The following TET1 variants were observed in gnomAD, a reference collection of about 807,000 sequenced individuals.
TET1 encodes the protein methylcytosine dioxygenase TET1.
A neutral mutation model predicts 148.7 loss-of-function variants in TET1; 13 were observed. The observed-to-expected ratio is 0.09, with a 90% CI of 0.06 to 0.14. The LOEUF (loss-of-function observed/expected upper bound fraction) is 0.14. Ranked by LOEUF, TET1 falls within the 10% of genes least tolerant of loss-of-function variation. The pLI is 1.00. For missense variants in TET1, 2,182 were observed against 2,553.8 expected (o/e 0.85, Z 3.14); for synonymous variants, 907 against 937.2 (o/e 0.97, Z 0.59).
At chr10:68,627,248 T>C (rs537079758) in intron 3 of TET1, among the ~76,000 whole-genome samples, 97 of 150,778 alleles carry the variant, frequency 6.4e-4, no homozygotes, top group African/African-American at 2.2e-3. Context: ...TCTCTACTAA[T>C]AAAATACAAA....
At chr10:68,679,341 C>G (rs2055405823) in intron 8 of TET1, among the ~76,000 whole-genome samples, 1 of 152,038 alleles carries the variant, frequency 6.6e-6, no homozygotes, top group African/African-American at 2.4e-5. Flanking sequence ...TCTGTGTGGT[C>G]CACAACAGAA....
chr10:68,684,392 G>C (rs373661308), intron 10 of TET1, among the ~76,000 whole-genome samples: 1 of 38,300 alleles, frequency 2.6e-5, no homozygotes, highest in Non-Finnish European at 6.6e-5. Context: ...TTTTTTTTTT[G>C]CGTATCATTC....
intron 3 of TET1, among the ~76,000 whole-genome samples, chr10:68,607,126 C>A (rs1419681552): frequency 6.6e-6 from 1 of 151,208 alleles, no homozygotes; most frequent in Non-Finnish European, 1.5e-5. Flanking sequence ...TGAATAAAAG[C>A]CAAATGGAGT....
chr10:68,611,219 A>C (rs2054204501), intron 3 of TET1, among the ~76,000 whole-genome samples: 1 of 151,890 alleles, frequency 6.6e-6, no homozygotes, highest in Admixed American at 6.6e-5. Context: ...TGACCTCAGG[A>C]GGCGGAGGTT....
chr10:68,632,348 G>A, intron 3 of TET1: 1 of 1,573,488 alleles, frequency 6.4e-7, no homozygotes, highest in Non-Finnish European at 8.7e-7. Flanking sequence ...GTGCAGGGCG[G>A]GTGGAGTCGC....
At chr10:68,614,563 G>A (rs2054261787) in intron 3 of TET1, among the ~76,000 whole-genome samples, 1 of 152,134 alleles carries the variant, frequency 6.6e-6, no homozygotes, top group Admixed American at 6.6e-5. Context: ...CCAGGGTGGA[G>A]TGTGGTGGCA....
At chr10:68,582,552 CGACT>C (rs2053810025) in intron 2 of TET1, among the ~76,000 whole-genome samples, 2 of 152,130 alleles carry the variant, frequency 1.3e-5, no homozygotes, top group Admixed American at 6.6e-5. Context: ...ACAAATTGAA[CGACT>C]GACTGTCCAC....
At chr10:68,649,906 A>G (rs7084999) in intron 4 of TET1, among the ~76,000 whole-genome samples, 29,601 of 152,062 alleles carry the variant, frequency 0.19, 3,657 homozygotes, top group African/African-American at 0.35. Context: ...CATTACATGT[A>G]AGTTTATTGT....
chr10:68,622,570 A>T (rs2054393213), intron 3 of TET1, among the ~76,000 whole-genome samples: 1 of 151,636 alleles, frequency 6.6e-6, no homozygotes, highest in Non-Finnish European at 1.5e-5. Context: ...CCGGCCCCTC[A>T]TTGCATTTAG....
chr10:68,613,796 G>C (rs2054250388), intron 3 of TET1, among the ~76,000 whole-genome samples: 1 of 152,032 alleles, frequency 6.6e-6, no homozygotes, highest in South Asian at 2.1e-4. Flanking sequence ...AAATTAGCTG[G>C]GCATGGTGGT....
chr10:68,624,277 G>T (rs1016455917), intron 3 of TET1, among the ~76,000 whole-genome samples: 5 of 148,184 alleles, frequency 3.4e-5, no homozygotes, highest in East Asian at 2.0e-4. Flanking sequence ...TTGTGTGTGT[G>T]TTTTTTGTTT....
chr10:68,672,510 A>ACAC (rs147297986), intron 7 of TET1, among the ~76,000 whole-genome samples: 1 of 144,488 alleles, frequency 6.9e-6, no homozygotes, highest in African/African-American at 2.6e-5. Flanking sequence ...AAAAAAAAAA[A>ACAC]ACACCAAAAA....
intron 3 of TET1, among the ~76,000 whole-genome samples, chr10:68,635,880 T>C (rs886543446): frequency 6.6e-6 from 1 of 152,032 alleles, no homozygotes; most frequent in African/African-American, 2.4e-5. Flanking sequence ...AGGAGTAGGC[T>C]CATCAAGGGG....
chr10:68,591,242 T>C (rs889149889), intron 2 of TET1, among the ~76,000 whole-genome samples: 3 of 152,262 alleles, frequency 2.0e-5, no homozygotes, highest in Non-Finnish European at 2.9e-5. Context: ...AAGTTAATTG[T>C]AGAAATTCTG....
At chr10:68,661,832 C>CA (rs71299296) in intron 6 of TET1, among the ~76,000 whole-genome samples, 6 of 150,846 alleles carry the variant, frequency 4.0e-5, no homozygotes, top group Admixed American at 1.3e-4. Context: ...CACACACACA[C>CA]AAAAAACCAA....
chr10:68,586,549 G>T (rs1296038060), intron 2 of TET1, among the ~76,000 whole-genome samples: 1 of 147,668 alleles, frequency 6.8e-6, no homozygotes, highest in Admixed American at 6.9e-5. Context: ...TGCCCAGGCT[G>T]GTCTTGAACT....
At chr10:68,574,633 A>G (rs2053707845) in intron 2 of TET1, among the ~76,000 whole-genome samples, 1 of 152,238 alleles carries the variant, frequency 6.6e-6, no homozygotes, top group African/African-American at 2.4e-5. Flanking sequence ...TTTAAAAATT[A>G]AGAGTGGAAC....
chr10:68,586,373 T>A (rs576273020), intron 2 of TET1, among the ~76,000 whole-genome samples: 1 of 152,296 alleles, frequency 6.6e-6, no homozygotes, highest in African/African-American at 2.4e-5. Context: ...AGACAGGGTT[T>A]CACCATGTTG....
At position 68,573,410 on chromosome 10, in the gene TET1, G is replaced by A; in HGVS notation, c.1072G>A (p.Val358Ile). Residue 358 changes from valine (V) to isoleucine (I), a missense_variant, in exon 2 of 12, where the codon GTT (valine) becomes ATT (isoleucine). This residue lies in a region of TET1 where 665 missense variants were observed against 672.4 expected (regional missense o/e 0.99). Coordinates refer to ENST00000373644, the MANE Select transcript of TET1 (RefSeq NM_030625.3). ...CGAAGCTACTGCAAATCAACAGGAA[G>A]TTTCTGATACCACCTCTTTCCTAGG... Reference protein sequence around the residue: ...AFEATANQQEVSDTTSFLGQA... With the variant: ...AFEATANQQEISDTTSFLGQA... 1 of 1,614,146 alleles carries A rather than the reference G, an allele frequency of 6.2e-7. No individual in the cohort carries two copies. Among genetic ancestry groups the A allele is most frequent in the African/African-American group, 1.3e-5 (1 of 75,056 alleles).
Sources: gnomAD v4.1 joint callset for allele counts (sites outside exome capture counted in the v4.1 genomes callset) on GRCh38, gnomAD v4.1.1 for gene constraint, gnomAD v4.1.1 regional missense constraint, MANE v1.5 for transcripts, NCBI Gene and HGNC (gene_info 2026-07-23, HGNC 2026-07-21) for gene names.